Variants in CNIH3 observed in about 807,000 individuals in gnomAD.
CNIH3 encodes the protein protein cornichon homolog 3.
Under a neutral mutation model 24.1 loss-of-function variants are expected in CNIH3, and 14 were observed. That is an observed-to-expected ratio of 0.58 (90% CI 0.38 to 0.91). The LOEUF is 0.91. CNIH3 is among the 40% of genes least tolerant of loss of function. The pLI is 0.00. For synonymous variants in CNIH3, 68 were observed against 73.8 expected (o/e 0.92, Z 0.40); for missense variants, 178 against 196.8 (o/e 0.90, Z 0.57).
At chr1:224,464,159 T>C (rs1188458552) in intron 1 of CNIH3, among the ~76,000 whole-genome samples, 1 of 152,196 alleles carries the variant, frequency 6.6e-6, no homozygotes, top group East Asian at 1.9e-4. Flanking sequence ...GAGTTCACTT[T>C]ATATTTATTT....
chr1:224,479,380 C>T (rs1558094885), intron 1 of CNIH3, among the ~76,000 whole-genome samples: 1 of 152,074 alleles, frequency 6.6e-6, no homozygotes, highest in African/African-American at 2.4e-5. Flanking sequence ...TCTCAAACTC[C>T]TGACCTCAAG....
chr1:224,676,180 T>G (rs989628721), intron 1 of CNIH3, among the ~76,000 whole-genome samples: 13 of 152,220 alleles, frequency 8.5e-5, no homozygotes, highest in African/African-American at 2.9e-4. Context: ...ACCATTGATA[T>G]AGGCAACAGT....
chr1:224,623,712 C>T (rs1683391338), intron 1 of CNIH3, among the ~76,000 whole-genome samples: 1 of 152,156 alleles, frequency 6.6e-6, no homozygotes, highest in Admixed American at 6.5e-5. Flanking sequence ...TTTTCCTTCT[C>T]AGACTCAGAA....
intron 2 of CNIH3, among the ~76,000 whole-genome samples, chr1:224,535,558 A>C (rs533609126): frequency 6.6e-6 from 1 of 152,342 alleles, no homozygotes; most frequent in South Asian, 2.1e-4. Flanking sequence ...TTAGCAAATT[A>C]ATTACTGTGA....
intron 1 of CNIH3, among the ~76,000 whole-genome samples, chr1:224,488,258 A>C (rs1161426941): frequency 6.7e-6 from 1 of 150,204 alleles, no homozygotes; most frequent in African/African-American, 2.5e-5. Context: ...ATTCTATTTC[A>C]CTCCTTTTGG....
At chr1:224,577,379 C>G (rs1479578748) in intron 4 of CNIH3, among the ~76,000 whole-genome samples, 4 of 151,842 alleles carry the variant, frequency 2.6e-5, no homozygotes, top group Admixed American at 6.6e-5. Flanking sequence ...CCAAATAATC[C>G]CATCAAAAAG....
At chr1:224,506,720 C>T (rs909466349) in intron 1 of CNIH3, among the ~76,000 whole-genome samples, 1 of 152,174 alleles carries the variant, frequency 6.6e-6, no homozygotes, top group Admixed American at 6.5e-5. Context: ...CCATTAGACC[C>T]TTCTCCATAC....
Position 224,454,218 on chromosome 1 carries a change from T to C in CNIH3, n.203+19356T>C, listed in dbSNP as rs1675548816. The C allele has an allele frequency of 7.3e-6, 6 of 818,304 alleles. No homozygotes were observed. The South Asian group carries it at 2.8e-4, about 38-fold the overall frequency. The allele number at this position is 818,304 out of a possible 1,614,324, so 50.7% of individuals were successfully genotyped here. On this transcript the variant is annotated intron_variant and non_coding_transcript_variant, in intron 1 of 5. Coordinates refer to the CNIH3 transcript ENST00000471578. ...GTGCTATGCTTTATCTACCCAATAT[T>C]GTGAGTAGTATCATTTACAGGCTCA...
chr1:224,677,598 C>T (rs1686200378), intron 1 of CNIH3, among the ~76,000 whole-genome samples: 1 of 152,238 alleles, frequency 6.6e-6, no homozygotes, highest in African/African-American at 2.4e-5. Context: ...CTTTCCTCTG[C>T]GCCATCCTCT....
intron 1 of CNIH3, among the ~76,000 whole-genome samples, chr1:224,446,353 G>T (rs1012057177): frequency 6.6e-6 from 1 of 151,932 alleles, no homozygotes; most frequent in African/African-American, 2.4e-5. Flanking sequence ...GGTCAATTTG[G>T]GGAGAACAGA....
intron 3 of CNIH3, among the ~76,000 whole-genome samples, chr1:224,610,982 A>G (rs1174028707): frequency 6.6e-6 from 1 of 152,228 alleles, no homozygotes; most frequent in Non-Finnish European, 1.5e-5. Context: ...AGAGCAGTAT[A>G]GCAAAAACGT....
In CNIH3 at chr1:224,560,876, C is replaced by T. The variant is rs146034011; in HGVS notation, n.451-5323C>T. Among the ~76,000 whole-genome samples the T allele has an allele frequency of 4.6e-5, 7 of 152,184 alleles. No homozygotes were observed. The East Asian group carries it at 5.8e-4, about 13-fold the overall frequency. ...GTGGGAAAATTGTCTTCCATGAAAC[C>T]GTCCCTGGTGCCAAAAAGTTTGGAG... On this transcript the variant is annotated intron_variant and non_coding_transcript_variant, in intron 3 of 5. Transcript: ENST00000471578.
intron 5 of CNIH3, among the ~76,000 whole-genome samples, chr1:224,736,203 G>A (rs546867656): frequency 6.6e-6 from 1 of 152,194 alleles, no homozygotes; most frequent in East Asian, 1.9e-4. Flanking sequence ...ATAGCTTGCT[G>A]CAACCTTGAA....
intron 1 of CNIH3, among the ~76,000 whole-genome samples, chr1:224,493,789 G>A (rs536728799): frequency 1.3e-5 from 2 of 152,056 alleles, no homozygotes; most frequent in Admixed American, 1.3e-4. Flanking sequence ...GAGAAGAATG[G>A]CAGGGGAGAG....
chr1:224,676,783 G>T (rs1213350719), intron 1 of CNIH3, among the ~76,000 whole-genome samples: 1 of 152,232 alleles, frequency 6.6e-6, no homozygotes, highest in Non-Finnish European at 1.5e-5. Context: ...CACATGCAAA[G>T]GATGATACTA....
At chr1:224,491,704 C>A (rs1677243436) in intron 1 of CNIH3, among the ~76,000 whole-genome samples, 1 of 152,070 alleles carries the variant, frequency 6.6e-6, no homozygotes, top group South Asian at 2.1e-4. Context: ...CTCCCGGGTT[C>A]AAGCAATTCT....
intron 3 of CNIH3, among the ~76,000 whole-genome samples, chr1:224,550,450 T>G (rs565835973): frequency 3.3e-5 from 5 of 152,316 alleles, no homozygotes; most frequent in Admixed American, 2.6e-4. Context: ...AGCAATGATA[T>G]TTCATTAATA....
intron 1 of CNIH3, among the ~76,000 whole-genome samples, chr1:224,454,124 A>C (rs957170105): frequency 5.9e-5 from 9 of 152,294 alleles, no homozygotes; most frequent in African/African-American, 1.7e-4. Flanking sequence ...GCACTATATT[A>C]TTCTAAGAAG....
intron 1 of CNIH3, among the ~76,000 whole-genome samples, chr1:224,622,075 C>T (rs1299914301): frequency 6.6e-6 from 1 of 152,236 alleles, no homozygotes; most frequent in East Asian, 1.9e-4. Flanking sequence ...CACAGCCATG[C>T]TGAACTGTGA....
Sources: allele counts gnomAD v4.1 joint callset (sites outside exome capture counted in the v4.1 genomes callset), GRCh38; gene constraint gnomAD v4.1.1; transcripts MANE v1.5; gene names NCBI Gene and HGNC (gene_info 2026-07-23, HGNC 2026-07-21).